INPP5K: variants seen among roughly 807,000 people sequenced by gnomAD.
The protein encoded by INPP5K is inositol polyphosphate 5-phosphatase K.
In INPP5K, 35 loss-of-function variants were observed where a neutral mutation model predicts 53.5. The observed-to-expected ratio is 0.65, with a 90% CI of 0.50 to 0.87. The LOEUF is 0.87. Among genes scored for constraint, INPP5K ranks in the 40% least tolerant of loss-of-function variants. The pLI is 0.00. For missense variants in INPP5K, 550 were observed against 586.2 expected (o/e 0.94, Z 0.64); for synonymous variants, 253 against 232.8 (o/e 1.09, Z -0.79).
Position 1,508,151 on chromosome 17 carries a change from T to G in INPP5K, c.630A>C (p.Lys210Asn). 3 of 1,614,098 alleles carry G rather than the reference T, an allele frequency of 1.9e-6. No homozygotes were observed. The highest frequency in any genetic ancestry group is 2.5e-6 in the Non-Finnish European group (3 of 1,180,008). The stretch of plus-strand genomic sequence containing the variant: ...CCCACAGGCCACCGTAGCACCGATT[T>G]TTAATGGATTCCCGAACAAAGTGCA... ...FGLHFVRESI[K>N]NRCYGGLWEK... Residue 210 changes from lysine to asparagine, a missense_variant, in exon 6 of 12, where the codon AAA (lysine) becomes AAC (asparagine). Coordinates refer to ENST00000421807, the MANE Select transcript of INPP5K (RefSeq NM_016532.4).
intron 1 of INPP5K, among the ~76,000 whole-genome samples, chr17:1,514,367 A>T (rs561310958): frequency 2.0e-5 from 3 of 151,696 alleles, no homozygotes; most frequent in South Asian, 4.2e-4. Flanking sequence ...AGGCCTGCTT[A>T]TGTCACTGCA....
chr17:1,515,718 G>T, intron 1 of INPP5K: 1 of 661,544 alleles, frequency 1.5e-6, no homozygotes, highest in Non-Finnish European at 1.9e-6. Flanking sequence ...CCAGTTTAAA[G>T]CAACTTCCTG....
chr17:1,509,488 G>A (rs1375304510), intron 4 of INPP5K, 135 bp from the exon 5 acceptor site: 10 of 960,006 alleles, frequency 1.0e-5, no homozygotes, highest in Non-Finnish European at 1.6e-5. Context: ...GCTTCCCAGG[G>A]TGATCTCTCC....
At chr17:1,506,687 TAG>T (rs2075162682) in intron 7 of INPP5K, among the ~76,000 whole-genome samples, 1 of 152,134 alleles carries the variant, frequency 6.6e-6, no homozygotes, top group Non-Finnish European at 1.5e-5. Flanking sequence ...CAGTCCCTCC[TAG>T]GTCAGGAGGC....
At chr17:1,509,639 C>T (rs1161641948) in intron 4 of INPP5K, 44 bp downstream of exon 4, 1 of 1,288,500 alleles carries the variant, frequency 7.8e-7, no homozygotes, top group South Asian at 1.2e-5. Context: ...CCACAGTTCC[C>T]AGCCCTTCCC....
At chr17:1,513,762 G>T in intron 2 of INPP5K, 110 bp downstream of exon 2, 1 of 969,226 alleles carries the variant, frequency 1.0e-6, no homozygotes, top group Non-Finnish European at 1.6e-6. Context: ...GAAGCAGGCT[G>T]AAAGCTCCCA....
chr17:1,502,120 C>A (rs1026470763), intron 7 of INPP5K, among the ~76,000 whole-genome samples: 1 of 151,754 alleles, frequency 6.6e-6, no homozygotes, highest in Non-Finnish European at 1.5e-5. Context: ...GAGGCCAAGG[C>A]GGGCAGATCA....
chr17:1,505,172 C>T (rs2075125104), intron 7 of INPP5K, among the ~76,000 whole-genome samples: 1 of 152,128 alleles, frequency 6.6e-6, no homozygotes, highest in Admixed American at 6.6e-5. Flanking sequence ...GGTTGCCCAG[C>T]TGGAGTGCAG....
intron 1 of INPP5K, 100 bp downstream of exon 1, chr17:1,516,356 G>A: frequency 7.7e-7 from 1 of 1,292,920 alleles, no homozygotes; most frequent in Non-Finnish European, 1.1e-6. Context: ...TGAACCAAAG[G>A]CAGTCATGGA....
chr17:1,513,782 C>T (rs2075365914), intron 2 of INPP5K, 90 bp downstream of exon 2: 6 of 1,085,292 alleles, frequency 5.5e-6, no homozygotes, highest in Non-Finnish European at 6.9e-6. Flanking sequence ...AGCCTTCAGA[C>T]TCCAGAGCGG....
rs775784880 is a variant in INPP5K, at chr17:1,508,072, G to A, written c.666+43C>T. The A allele has an allele frequency of 2.7e-5, 37 of 1,356,262 alleles. No homozygotes were observed. In the Middle Eastern group the frequency reaches 1.1e-3, roughly 40 times the overall value. 84.0% of individuals were successfully genotyped at this position (1,356,262 alleles called of 1,614,324 possible). A position where few individuals can be genotyped will look rare whatever the true frequency, so the allele number is the denominator to read the frequency against. On this transcript the variant is annotated intron_variant, in intron 6 of 11. Transcript: ENST00000421807. ...CTGCACAGCTCACATGGCCCCCACC[G>A]TGGGCTCAGATCACCCCCTGGGACC...
intron 7 of INPP5K, among the ~76,000 whole-genome samples, chr17:1,504,635 T>C (rs558438723): frequency 4.5e-4 from 69 of 152,362 alleles, no homozygotes; most frequent in African/African-American, 1.5e-3. Flanking sequence ...TCCTTACTTA[T>C]ATATTCTTTG....
rs1432756026 is a variant in INPP5K, at chr17:1,495,457, CACG to C, written c.*363_*365del. 2 of 246,108 alleles carry C rather than the reference CACG, an allele frequency of 8.1e-6. No homozygotes were observed. Among genetic ancestry groups the C allele is most frequent in the East Asian group, 1.2e-4 (1 of 8,530 alleles). The allele number at this position is 246,108 out of a possible 1,614,324, so 15.2% of individuals were successfully genotyped here. ...CCAGACAGCCTGAGGCCCAGGACGG[CACG>C]ACAAGAATGCAGGCCTGTGCCAAAT... is the stretch of plus-strand genomic sequence containing the variant. On this transcript the variant is annotated 3_prime_UTR_variant, in exon 12 of 12. Coordinates refer to ENST00000421807, the MANE Select transcript of INPP5K (RefSeq NM_016532.4).
chr17:1,509,731 G>C lies in INPP5K; in HGVS notation c.330C>G (p.Ile110Met), dbSNP rs201470376. Reference sequence around the variant, plus strand: ...GGGTGGATTTAGTAGACAGAATCTGGATATAGGGCAAATGCTGATACTTGG... The same window carrying C: ...GGGTGGATTTAGTAGACAGAATCTGCATATAGGGCAAATGCTGATACTTGG... ...VFAKYQHLPYIQILSTKSTPT... is the reference protein window; with the variant it reads ...VFAKYQHLPYMQILSTKSTPT... Residue 110 changes from isoleucine to methionine, a missense_variant, in exon 4 of 12, where the codon ATC becomes ATG. Physicochemically the swap from Ile to Met is conservative, Grantham distance 10. Coordinates refer to ENST00000421807, the MANE Select transcript of INPP5K (RefSeq NM_016532.4). 6.2e-7 allele frequency: 1 copy of C among 1,613,802 alleles called. No individual in the cohort carries two copies. The highest frequency in any genetic ancestry group is 8.5e-7 in the Non-Finnish European group (1 of 1,179,736).
At chr17:1,507,937 T>G (rs1438696762) in intron 6 of INPP5K, among the ~76,000 whole-genome samples, 178 bp downstream of exon 6, 1 of 152,110 alleles carries the variant, frequency 6.6e-6, no homozygotes, top group South Asian at 2.1e-4. Context: ...GGCTTTTCCA[T>G]GTGAAGATCA....
At position 1,507,056 on chromosome 17, in the gene INPP5K, G is replaced by C. The variant is rs144799238; in HGVS notation, c.700C>G (p.Arg234Gly). ...SIAKKHDPLL[R>G]EFQEGRLLFP... is the part of the protein sequence containing the mutation. ...AGTAGGCGGCCCTCCTGGAACTCCC[G>C]GAGCAGCGGGTCATGTTTCTTGGCA... Residue 234 changes from arginine to glycine, a missense_variant, in exon 7 of 12, where the codon CGG (arginine) becomes GGG (glycine). Transcript: ENST00000421807. 7 of 1,613,968 alleles carry C rather than the reference G, an allele frequency of 4.3e-6. No individual in the cohort carries two copies. Among genetic ancestry groups the C allele is most frequent in the Non-Finnish European group, 5.9e-6 (7 of 1,179,966 alleles).
rs554664508 is a variant in INPP5K at position 1,496,951 on chromosome 17, C to T, written c.964-148G>A. 2.6e-4 allele frequency: 199 copies of T among 755,056 alleles called. 3 individuals carry two copies. In the South Asian group the frequency reaches 3.2e-3, roughly 12 times the overall value. 46.8% of individuals were successfully genotyped at this position (755,056 alleles called of 1,614,324 possible). A position where few individuals can be genotyped will look rare whatever the true frequency, so the allele number is the denominator to read the frequency against. The stretch of plus-strand genomic sequence containing the variant: ...ATGGAACTCCACTGGGCTGCTCCAA[C>T]GGACCTTGGCTGGCCATCAGGAAAG... On this transcript the variant is annotated intron_variant, in intron 8 of 11. Transcript: ENST00000421807.
intron 3 of INPP5K, among the ~76,000 whole-genome samples, chr17:1,512,607 T>A (rs1251148230): frequency 6.6e-6 from 1 of 151,910 alleles, no homozygotes; most frequent in Non-Finnish European, 1.5e-5. Context: ...TGAATGGGAG[T>A]GTGTTTCATT....
rs1340318697 is a variant in INPP5K, at chr17:1,508,186, C to A, written c.595G>T (p.Asp199Tyr). The stretch of plus-strand genomic sequence containing the variant: ...TCCCGAACAAAGTGCAACCCAAAGT[C>A]CTCGATCCGAAAGTTCATGTCTCCA... ...WFGDMNFRIEDFGLHFVRESI... is the reference protein window; with the variant it reads ...WFGDMNFRIEYFGLHFVRESI... Residue 199 changes from aspartate (D) to tyrosine (Y), a missense_variant, in exon 6 of 12, where the codon GAC (aspartate) becomes TAC (tyrosine). Asp to Tyr is a radical substitution (Grantham distance 160). Coordinates refer to ENST00000421807, the MANE Select transcript of INPP5K (RefSeq NM_016532.4). 6.2e-7 allele frequency: 1 copy of A among 1,614,078 alleles called. No individual in the cohort carries two copies. Among genetic ancestry groups the A allele is most frequent in the Admixed American group, 1.7e-5 (1 of 60,016 alleles).
Sources: gnomAD v4.1 joint callset for allele counts (sites outside exome capture counted in the v4.1 genomes callset) on GRCh38, gnomAD v4.1.1 for gene constraint, MANE v1.5 for transcripts, NCBI Gene and HGNC (gene_info 2026-07-23, HGNC 2026-07-21) for gene names.